PTPRA: variants seen among roughly 807,000 people sequenced by gnomAD.
PTPRA encodes protein tyrosine phosphatase receptor type A, also known as receptor-type tyrosine-protein phosphatase alpha.
PTPRA carries 25 observed loss-of-function variants against 104.8 expected under a neutral mutation model. The observed-to-expected ratio is 0.24, with a 90% CI of 0.17 to 0.33. PTPRA has a LOEUF of 0.33. Ranked by LOEUF, PTPRA falls within the 10% of genes least tolerant of loss-of-function variation. The pLI is 1.00. For missense variants in PTPRA, 765 were observed against 1,015.3 expected (o/e 0.75, Z 3.35); for synonymous variants, 323 against 368.9 (o/e 0.88, Z 1.43).
chr20:2,865,091 C>G, the PTPRA span: 1 of 1,614,170 alleles, frequency 6.2e-7, no homozygotes, highest in Non-Finnish European at 8.5e-7. This position sits in a 1 kb window ranked among gnomAD's most constrained non-coding sequence, Gnocchi z 5.2. Context: ...CTCCTCGTCT[C>G]CTGGTCTTCC....
intron 1 of PTPRA, among the ~76,000 whole-genome samples, chr20:2,889,206 T>G (rs2058705768): frequency 6.6e-6 from 1 of 152,220 alleles, no homozygotes. Flanking sequence ...TTAGTCTTGT[T>G]ATTGTACTTG....
chr20:3,001,244 G>A (rs902477169), intron 9 of PTPRA, among the ~76,000 whole-genome samples: 1 of 152,190 alleles, frequency 6.6e-6, no homozygotes, highest in African/African-American at 2.4e-5. Flanking sequence ...TCTTCATTCT[G>A]AACCTTTGCA....
chr20:2,894,495 A>G (rs1278027228), intron 1 of PTPRA, among the ~76,000 whole-genome samples: 1 of 151,984 alleles, frequency 6.6e-6, no homozygotes, highest in Admixed American at 6.6e-5. Flanking sequence ...TTTTTTAGAG[A>G]TGGAGTCTTG....
At chr20:2,879,130 A>G (rs761113081) in intron 1 of PTPRA, among the ~76,000 whole-genome samples, 11 of 152,154 alleles carry the variant, frequency 7.2e-5, no homozygotes, top group Non-Finnish European at 1.6e-4. Flanking sequence ...TGGTAATTAT[A>G]GATGTGATGA....
intron 1 of PTPRA, among the ~76,000 whole-genome samples, chr20:2,907,805 T>A (rs963152149): frequency 2.0e-5 from 3 of 152,112 alleles, no homozygotes; most frequent in African/African-American, 7.2e-5. Context: ...TAACCTCAAT[T>A]GCCTTGGTTT....
chr20:2,980,789 CCT>C (rs1202524153), intron 6 of PTPRA, among the ~76,000 whole-genome samples: 2 of 152,180 alleles, frequency 1.3e-5, no homozygotes, highest in Non-Finnish European at 2.9e-5. Flanking sequence ...TCTTTTGTCA[CCT>C]CCATTTCCCA....
At chr20:2,975,342 T>C in intron 6 of PTPRA, 101 bp downstream of exon 6, 1 of 1,065,610 alleles carries the variant, frequency 9.4e-7, no homozygotes, top group African/African-American at 1.6e-5. Context: ...CATCTGTGGC[T>C]GTGTTGTTTG....
At chr20:2,907,201 A>G (rs553610125) in intron 1 of PTPRA, among the ~76,000 whole-genome samples, 13 of 152,310 alleles carry the variant, frequency 8.5e-5, no homozygotes, top group Middle Eastern at 3.4e-3. Flanking sequence ...TGAATTTACT[A>G]TTATAAAATT....
In PTPRA at chr20:2,965,131, A is replaced by G; in HGVS notation, c.344A>G (p.Asp115Gly). The G allele has an allele frequency of 6.2e-7, 1 of 1,614,204 alleles. No individual in the cohort carries two copies. Among genetic ancestry groups the G allele is most frequent in the Non-Finnish European group, 8.5e-7 (1 of 1,180,032 alleles). The stretch of plus-strand genomic sequence containing the variant: ...TGGCTTCCAGATAACCAGTTCACGG[A>G]TGCCAGAACAGAACCCTGGGAGGGG... Reference protein sequence around the residue: ...GTWLPDNQFTDARTEPWEGNS... With the variant: ...GTWLPDNQFTGARTEPWEGNS... The change falls in exon 5 of 24, where the codon GAT (aspartate) becomes GGT (glycine). Residue 115 changes from aspartate to glycine, a missense_variant. Physicochemically the swap from Asp to Gly is moderately conservative, Grantham distance 94. This residue lies in a region of PTPRA where 256 missense variants were observed against 248.9 expected (regional missense o/e 1.03). Coordinates refer to ENST00000399903, the MANE Select transcript of PTPRA (RefSeq NM_001385305.1).
intron 13 of PTPRA, among the ~76,000 whole-genome samples, chr20:3,021,105 G>T (rs1441138051): frequency 6.6e-6 from 1 of 152,230 alleles, no homozygotes; most frequent in East Asian, 1.9e-4. Context: ...TTAGGAGACT[G>T]TGCTCAATAG....
At chr20:2,865,076 A>G in the PTPRA span, 4 of 1,614,138 alleles carry the variant, frequency 2.5e-6, no homozygotes, top group Middle Eastern at 1.6e-4. The surrounding 1 kb of genome is among the most constrained non-coding windows in gnomAD (Gnocchi z 5.2). Flanking sequence ...CCTTTTTCCA[A>G]GAGCCTCCTC....
intron 1 of PTPRA, among the ~76,000 whole-genome samples, chr20:2,908,944 A>G (rs1175869573): frequency 1.3e-5 from 2 of 152,182 alleles, no homozygotes; most frequent in African/African-American, 4.8e-5. Flanking sequence ...GGCACCAAAC[A>G]TGCTGTTGAG....
chr20:2,884,872 C>T (rs1374164577), intron 1 of PTPRA, among the ~76,000 whole-genome samples: 3 of 149,976 alleles, frequency 2.0e-5, no homozygotes, highest in South Asian at 2.1e-4. Context: ...TGCAGTGACA[C>T]GATTTTGGCT....
rs1356006448 is a variant in PTPRA, at chr20:3,007,354, T to A, written c.840T>A (p.Ser280=). 6.2e-7 allele frequency: 1 copy of A among 1,613,792 alleles called. No homozygotes were observed. Among genetic ancestry groups the A allele is most frequent in the African/African-American group, 1.3e-5 (1 of 74,936 alleles). ...TGGTTTGTTTCCTAGATGACCACTCTAGAGTCCACCTGACACCGGTTGAAG... is the reference window on the plus strand; with the variant it reads ...TGGTTTGTTTCCTAGATGACCACTCAAGAGTCCACCTGACACCGGTTGAAG... ...RYVNILPYDH[S]RVHLTPVEGV... The change falls in exon 11 of 24, where the codon TCT becomes TCA. Residue 280 remains serine, a synonymous_variant. Coordinates refer to ENST00000399903, the MANE Select transcript of PTPRA (RefSeq NM_001385305.1).
intron 2 of PTPRA, among the ~76,000 whole-genome samples, chr20:2,944,084 A>G (rs1225581619): frequency 7.1e-6 from 1 of 140,524 alleles, no homozygotes; most frequent in Non-Finnish European, 1.5e-5. Context: ...TCTGCCACCC[A>G]GGCTGGAGTG....
chr20:2,973,567 C>T (rs1264344514), intron 5 of PTPRA, among the ~76,000 whole-genome samples: 1 of 152,172 alleles, frequency 6.6e-6, no homozygotes, highest in Non-Finnish European at 1.5e-5. Context: ...CTCTTGTGGC[C>T]CTGCCATCCT....
intron 5 of PTPRA, among the ~76,000 whole-genome samples, chr20:2,972,799 C>T (rs2062246960): frequency 6.6e-6 from 1 of 151,896 alleles, no homozygotes; most frequent in African/African-American, 2.4e-5. Flanking sequence ...CTCATTGCGG[C>T]CTGCACCTCC....
At chr20:2,886,319 A>G (rs1383698614) in intron 1 of PTPRA, among the ~76,000 whole-genome samples, 4 of 152,184 alleles carry the variant, frequency 2.6e-5, no homozygotes, top group Non-Finnish European at 2.9e-5. Context: ...GGATGAAATG[A>G]TGTTGATATC....
chr20:2,981,711 T>C (rs1274901802), intron 6 of PTPRA, among the ~76,000 whole-genome samples: 2 of 152,226 alleles, frequency 1.3e-5, no homozygotes, highest in African/African-American at 4.8e-5. Context: ...GTGGGTGTAC[T>C]GGTGCTGGGT....
Sources: allele counts gnomAD v4.1 joint callset (sites outside exome capture counted in the v4.1 genomes callset), GRCh38; gene constraint gnomAD v4.1.1; regional missense constraint gnomAD v4.1.1; non-coding constraint Gnocchi (gnomAD v3.1); transcripts MANE v1.5; gene names NCBI Gene and HGNC (gene_info 2026-07-23, HGNC 2026-07-21).